ASGR2: variants seen among roughly 807,000 people sequenced by gnomAD.
ASGR2 encodes the protein asialoglycoprotein receptor 2.
In ASGR2, 34 loss-of-function variants were observed where a neutral mutation model predicts 32.3. The observed-to-expected ratio is 1.05, with a 90% CI of 0.80 to 1.40. ASGR2 has a LOEUF of 1.40. ASGR2 is among the 40% of genes most tolerant of loss of function. The pLI is 0.00. For synonymous variants in ASGR2, 143 were observed against 150.0 expected, an observed-to-expected ratio of 0.95 and a Z score of 0.34; for missense variants, 385 against 386.4, an observed-to-expected ratio of 1.00 and a Z score of 0.03.
chr17:7,111,841 A>G (rs1455750058), intron 2 of ASGR2, among the ~76,000 whole-genome samples: 1 of 149,678 alleles, frequency 6.7e-6, no homozygotes, highest in African/African-American at 2.5e-5. Context: ...TCTGGGCAGC[A>G]TGGCAAAACC....
Position 7,113,631 on chromosome 17 carries a change from CACACACA to C in ASGR2, c.124+479_124+485del, listed in dbSNP as rs1394102823. On this transcript the variant is annotated intron_variant, in intron 2 of 8. Coordinates refer to ENST00000691900, the MANE Select transcript of ASGR2 (RefSeq NM_001201352.2). This position sits in a 1 kb window ranked among gnomAD's most constrained non-coding sequence, Gnocchi z 5.1. ...ACAACATACACACATGCACAAGATA[CACACACA>C]ACACACAACATACACTCACACACAA... Among the ~76,000 whole-genome samples, 4 of 151,630 alleles carry C rather than the reference CACACACA, an allele frequency of 2.6e-5. No homozygotes were observed. Among genetic ancestry groups the C allele is most frequent in the Admixed American group, 1.3e-4 (2 of 15,228 alleles).
At position 7,113,373 on chromosome 17, in the gene ASGR2, ACACT is replaced by A. The variant is rs1002696342; in HGVS notation, c.124+740_124+743del. ...CACTCACACACACAACATACATAAC[ACACT>A]CACAACATACACACACAACACACAC... On this transcript the variant is annotated intron_variant, in intron 2 of 8. Coordinates refer to ENST00000691900, the MANE Select transcript of ASGR2 (RefSeq NM_001201352.2). This position sits in a 1 kb window ranked among gnomAD's most constrained non-coding sequence, Gnocchi z 5.1. Among the ~76,000 whole-genome samples, 16 of 148,036 alleles carry A rather than the reference ACACT, an allele frequency of 1.1e-4. No individual in the cohort carries two copies. Among genetic ancestry groups the A allele is most frequent in the East Asian group, 2.0e-4 (1 of 5,122 alleles).
rs543065568 is a variant in ASGR2, at chr17:7,108,961, C to A, written c.125-73G>T. 171 of 1,516,432 alleles carry A rather than the reference C, an allele frequency of 1.1e-4. 1 individual carries two copies. The African/African-American group carries it at 2.1e-3, about 18-fold the overall frequency. The allele number at this position is 1,516,432 out of a possible 1,614,324, so 93.9% of individuals were successfully genotyped here. On this transcript the variant is annotated intron_variant, in intron 2 of 8. Coordinates refer to ENST00000691900, the MANE Select transcript of ASGR2 (RefSeq NM_001201352.2). This position sits in a 1 kb window ranked among gnomAD's most constrained non-coding sequence, Gnocchi z 4.9. Reference sequence around the variant, plus strand: ...GGAGGGTAAAGACAGGGCACCGAAGCCTGAGGAGGCATAACCTGGGCGGGG... The same window carrying A: ...GGAGGGTAAAGACAGGGCACCGAAGACTGAGGAGGCATAACCTGGGCGGGG...
In ASGR2 at chr17:7,107,032, G is replaced by T. The variant is rs11546183; in HGVS notation, c.616C>A (p.His206Asn). ...AEKYCQLENA[H>N]LVVINSWEEQ... The stretch of plus-strand genomic sequence containing the variant: ...TCCCAGGAGTTGATGACCACCAGGT[G>T]TGCGTTCTCCAGCTGGCAGTACTTC... The change falls in exon 7 of 9, where the codon CAC becomes AAC. Residue 206 changes from histidine (H) to asparagine (N), a missense_variant. His to Asn is a moderately conservative substitution (Grantham distance 68). Coordinates refer to ENST00000691900, the MANE Select transcript of ASGR2 (RefSeq NM_001201352.2). This position sits in a 1 kb window ranked among gnomAD's most constrained non-coding sequence, Gnocchi z 5.0. 1 of 1,614,212 alleles carries T rather than the reference G, an allele frequency of 6.2e-7. No homozygotes were observed. The highest frequency in any genetic ancestry group is 1.7e-5 in the Admixed American group (1 of 60,022).
intron 7 of ASGR2, among the ~76,000 whole-genome samples, 182 bp from the exon 8 acceptor site, chr17:7,102,378 G>A (rs1205281034): frequency 6.6e-6 from 1 of 152,178 alleles, no homozygotes; most frequent in African/African-American, 2.4e-5. Flanking sequence ...ACTGTTCAGT[G>A]CACATTTGCT....
Position 7,113,999 on chromosome 17 carries a change from GGTGTC to G in ASGR2, c.124+113_124+117del. On this transcript the variant is annotated intron_variant, in intron 2 of 8. Coordinates refer to ENST00000691900, the MANE Select transcript of ASGR2 (RefSeq NM_001201352.2). This position sits in a 1 kb window ranked among gnomAD's most constrained non-coding sequence, Gnocchi z 5.1. ...AAGGTGAGGTGAGGGAACAAGCGGG[GGTGTC>G]GGGCCCTCCTCAGTCCCTGTTCACA... 1.4e-6 allele frequency: 2 copies of G among 1,446,758 alleles called. No individual in the cohort carries two copies. Among genetic ancestry groups the G allele is most frequent in the Admixed American group, 4.0e-5 (2 of 50,318 alleles). The allele number at this position is 1,446,758 out of a possible 1,614,324, so 89.6% of individuals were successfully genotyped here.
At chr17:7,104,535 C>T (rs1003018216) in intron 7 of ASGR2, among the ~76,000 whole-genome samples, 1 of 151,338 alleles carries the variant, frequency 6.6e-6, no homozygotes, top group African/African-American at 2.4e-5. Context: ...ACCTGTAATC[C>T]TAGCTACTCG....
intron 2 of ASGR2, among the ~76,000 whole-genome samples, chr17:7,110,308 C>A (rs1597390505): frequency 6.6e-6 from 1 of 152,070 alleles, no homozygotes; most frequent in Non-Finnish European, 1.5e-5. Flanking sequence ...CTGCCCCCAC[C>A]CCTTCCTCCA....
chr17:7,106,525 AG>A (rs1913707110), intron 7 of ASGR2, among the ~76,000 whole-genome samples: 3 of 152,248 alleles, frequency 2.0e-5, no homozygotes, highest in Admixed American at 2.0e-4. Context: ...TATGCTGTAA[AG>A]TACTAACAGA....
chr17:7,104,202 G>T (rs1022719059), intron 7 of ASGR2, among the ~76,000 whole-genome samples: 1 of 151,926 alleles, frequency 6.6e-6, no homozygotes, highest in Non-Finnish European at 1.5e-5. Flanking sequence ...TACAAAATTA[G>T]CCAGGCGTGT....
rs1177823170 is a variant in ASGR2, at chr17:7,113,801, C to T, written c.124+316G>A. On this transcript the variant is annotated intron_variant, in intron 2 of 8. Transcript: ENST00000691900. This position sits in a 1 kb window ranked among gnomAD's most constrained non-coding sequence, Gnocchi z 5.1. ...CATATACACACACACAACATTCACT[C>T]ACACACACACACAGAGTCCCAGCTG... is the stretch of plus-strand genomic sequence containing the variant. 8.4e-5 allele frequency among the ~76,000 whole-genome samples: 2 copies of T among 23,898 alleles called. No individual in the cohort carries two copies. The highest frequency in any genetic ancestry group is 3.0e-4 in the African/African-American group (2 of 6,728). The allele number at this position is 23,898 out of a possible 152,430, so 15.7% of individuals were successfully genotyped here.
At chr17:7,109,382 G>C (rs1215057662) in intron 2 of ASGR2, among the ~76,000 whole-genome samples, 1 of 152,032 alleles carries the variant, frequency 6.6e-6, no homozygotes, top group East Asian at 1.9e-4. Context: ...TGGGCCCTGT[G>C]TTCTTCCTAA....
intron 2 of ASGR2, among the ~76,000 whole-genome samples, chr17:7,111,794 C>CG (rs1421324447): frequency 6.6e-6 from 1 of 150,798 alleles, no homozygotes; most frequent in African/African-American, 2.4e-5. Context: ...GAGGTCGACA[C>CG]GGGGGGAATC....
rs574550495 is a variant in ASGR2 at position 7,114,358 on chromosome 17, C to T, written c.-70-48G>A. 1.4e-5 allele frequency: 18 copies of T among 1,266,446 alleles called. No individual in the cohort carries two copies. The highest frequency in any genetic ancestry group is 1.7e-5 in the Non-Finnish European group (17 of 979,850). The allele number at this position is 1,266,446 out of a possible 1,614,324, so 78.5% of individuals were successfully genotyped here. A position where few individuals can be genotyped will look rare whatever the true frequency, so the allele number is the denominator to read the frequency against. Reference sequence around the variant, plus strand: ...CGTGGAGGTTGATGGTGGGATGGAACGCAGGGTCGGAGGGGTTCGGGGTGG... The same window carrying T: ...CGTGGAGGTTGATGGTGGGATGGAATGCAGGGTCGGAGGGGTTCGGGGTGG... On this transcript the variant is annotated intron_variant, in intron 1 of 8. Coordinates refer to ENST00000691900, the MANE Select transcript of ASGR2 (RefSeq NM_001201352.2). The surrounding 1 kb of genome is among the most constrained non-coding windows in gnomAD (Gnocchi z 4.5).
intron 7 of ASGR2, among the ~76,000 whole-genome samples, chr17:7,104,915 G>C (rs557754094): frequency 8.1e-4 from 122 of 151,080 alleles, no homozygotes; most frequent in South Asian, 2.3e-3. Context: ...GGCAGAGGTT[G>C]CAGTGAGCCA....
chr17:7,107,823 G>C lies in ASGR2; in HGVS notation c.409+13C>G. The C allele has an allele frequency of 6.2e-7, 1 of 1,611,784 alleles. No individual in the cohort carries two copies. The highest frequency in any genetic ancestry group is 8.5e-7 in the Non-Finnish European group (1 of 1,179,700). On this transcript the variant is annotated intron_variant, in intron 5 of 8. Coordinates refer to ENST00000691900, the MANE Select transcript of ASGR2 (RefSeq NM_001201352.2). This position sits in a 1 kb window ranked among gnomAD's most constrained non-coding sequence, Gnocchi z 5.0. ...TGCACGCACATGCGCACACACCCCGGAGGCTCTCTGACCTGCTTTCAGGTC... is the reference window on the plus strand; with the variant it reads ...TGCACGCACATGCGCACACACCCCGCAGGCTCTCTGACCTGCTTTCAGGTC...
Position 7,107,582 on chromosome 17 carries a change from C to G in ASGR2, c.409+254G>C. The G allele has an allele frequency of 1.6e-6, 1 of 641,040 alleles. No homozygotes were observed. The highest frequency in any genetic ancestry group is 2.8e-5 in the East Asian group (1 of 36,130). The allele number at this position is 641,040 out of a possible 1,614,324, so 39.7% of individuals were successfully genotyped here. A position where few individuals can be genotyped will look rare whatever the true frequency, so the allele number is the denominator to read the frequency against. ...ACACATATACCATACCGCACACACA[C>G]AGACTCATCTCACACACACCACCAC... On this transcript the variant is annotated intron_variant, in intron 5 of 8. Transcript: ENST00000691900. This position sits in a 1 kb window ranked among gnomAD's most constrained non-coding sequence, Gnocchi z 5.0.
intron 2 of ASGR2, among the ~76,000 whole-genome samples, chr17:7,110,743 T>A (rs1914521596): frequency 6.6e-6 from 1 of 152,218 alleles, no homozygotes; most frequent in Admixed American, 6.5e-5. Context: ...GGAAGAGTTC[T>A]TCTCTCCCCA....
Position 7,108,709 on chromosome 17 carries a change from C to T in ASGR2, c.241+63G>A, listed in dbSNP as rs967198007. On this transcript the variant is annotated intron_variant, in intron 3 of 8. Transcript: ENST00000691900. The surrounding 1 kb of genome is among the most constrained non-coding windows in gnomAD (Gnocchi z 4.9). ...CCCTCCCATCGCCCCGATCGCTGCC[C>T]GCCACTGCCCATGTCTCTTTCCCTA... 15 of 1,612,346 alleles carry T rather than the reference C, an allele frequency of 9.3e-6. No individual in the cohort carries two copies. Among genetic ancestry groups the T allele is most frequent in the East Asian group, 2.2e-5 (1 of 44,838 alleles).
Sources: allele counts gnomAD v4.1 joint callset (sites outside exome capture counted in the v4.1 genomes callset), GRCh38; gene constraint gnomAD v4.1.1; non-coding constraint Gnocchi (gnomAD v3.1); transcripts MANE v1.5; gene names NCBI Gene and HGNC (gene_info 2026-07-23, HGNC 2026-07-21).